METTL8: variants seen among roughly 807,000 people sequenced by gnomAD.
METTL8 encodes the protein tRNA N(3)-cytidine methyltransferase METTL8, mitochondrial.
METTL8 carries 32 observed loss-of-function variants against 48.7 expected under a neutral mutation model. The observed-to-expected ratio is 0.66, with a 90% CI of 0.50 to 0.88. The LOEUF is 0.88. METTL8 is among the 40% of genes least tolerant of loss of function. METTL8 has a pLI of 0.00. For synonymous variants in METTL8, 136 were observed against 157.1 expected, an observed-to-expected ratio of 0.87 and a Z score of 1.01; for missense variants, 464 against 474.4, an observed-to-expected ratio of 0.98 and a Z score of 0.20.
At chr2:171,378,096 C>T (rs961006632) in intron 2 of METTL8, among the ~76,000 whole-genome samples, 1 of 152,068 alleles carries the variant, frequency 6.6e-6, no homozygotes. Flanking sequence ...CAATATTAAC[C>T]TTAAATGTAA....
intron 5 of METTL8, among the ~76,000 whole-genome samples, chr2:171,334,098 AAAC>A (rs1041359795): frequency 2.0e-5 from 3 of 152,132 alleles, no homozygotes; most frequent in Admixed American, 2.0e-4. Context: ...AAACAAAACA[AAAC>A]AAAACAAAAA....
intron 1 of METTL8, among the ~76,000 whole-genome samples, chr2:171,398,152 A>G (rs867571181): frequency 2.6e-5 from 4 of 152,226 alleles, no homozygotes; most frequent in Admixed American, 1.3e-4. Context: ...GTATATACCC[A>G]AAAGAAGTGA....
chr2:171,370,519 C>T (rs1219762055), intron 2 of METTL8, among the ~76,000 whole-genome samples: 4 of 152,024 alleles, frequency 2.6e-5, no homozygotes, highest in Admixed American at 6.5e-5. Flanking sequence ...GGGCTGGGCA[C>T]GGTGGCTCAT....
intron 2 of METTL8, among the ~76,000 whole-genome samples, chr2:171,389,535 A>C (rs1434539400): frequency 1.3e-5 from 2 of 150,034 alleles, no homozygotes; most frequent in African/African-American, 2.4e-5. Context: ...AAAAAAAAAA[A>C]AAAAAAAATG....
intron 1 of METTL8, among the ~76,000 whole-genome samples, chr2:171,429,177 T>C (rs1692723398): frequency 6.6e-6 from 1 of 152,242 alleles, no homozygotes; most frequent in Admixed American, 6.5e-5. Context: ...GAATGAGCAC[T>C]TTTTAATTGA....
intron 2 of METTL8, among the ~76,000 whole-genome samples, chr2:171,390,142 C>T (rs1431578393): frequency 6.6e-6 from 1 of 152,174 alleles, no homozygotes; most frequent in Non-Finnish European, 1.5e-5. Flanking sequence ...AATGAAACAA[C>T]AAAGCCTGGA....
chr2:171,417,430 G>A (rs1691425181), intron 1 of METTL8, among the ~76,000 whole-genome samples: 1 of 152,138 alleles, frequency 6.6e-6, no homozygotes, highest in Non-Finnish European at 1.5e-5. Flanking sequence ...AATTATATAA[G>A]GTTTGCTTTG....
intron 3 of METTL8, among the ~76,000 whole-genome samples, chr2:171,343,251 C>T (rs1686956282): frequency 6.6e-6 from 1 of 152,108 alleles, no homozygotes; most frequent in Admixed American, 6.5e-5. Flanking sequence ...ACCGGCCTGA[C>T]CAACATGGAG....
intron 2 of METTL8, among the ~76,000 whole-genome samples, chr2:171,379,978 G>A (rs975478681): frequency 2.0e-5 from 3 of 152,120 alleles, no homozygotes; most frequent in Non-Finnish European, 4.4e-5. Context: ...TATCCCTGAT[G>A]AACATTGATG....
intron 1 of METTL8, among the ~76,000 whole-genome samples, chr2:171,425,764 G>A (rs979663135): frequency 6.6e-6 from 1 of 152,234 alleles, no homozygotes; most frequent in Non-Finnish European, 1.5e-5. Context: ...TACTAAAACT[G>A]TGGTAATTTG....
At chr2:171,333,976 A>G (rs1685817389) in intron 5 of METTL8, among the ~76,000 whole-genome samples, 1 of 152,230 alleles carries the variant, frequency 6.6e-6, no homozygotes, top group Non-Finnish European at 1.5e-5. Flanking sequence ...AATGTTAGTC[A>G]TTATTATAAT....
At chr2:171,363,682 T>C (rs185990556) in intron 2 of METTL8, among the ~76,000 whole-genome samples, 2 of 150,678 alleles carry the variant, frequency 1.3e-5, no homozygotes, top group African/African-American at 4.9e-5. Flanking sequence ...GAAAAAATTA[T>C]AGTAAATCAA....
chr2:171,325,921 GAA>G lies in METTL8; in HGVS notation c.968-17_968-16del, dbSNP rs1684902879. The G allele has an allele frequency of 3.8e-6, 6 of 1,560,754 alleles. No homozygotes were observed. The African/African-American group carries it at 6.8e-5, about 18-fold the overall frequency. On this transcript the variant is annotated splice_polypyrimidine_tract_variant and intron_variant, in intron 8 of 9. Transcript: ENST00000375258. ...TAAACAATGTCCTGAAAAAAATTGT[GAA>G]AAGAGAAACTCTTAAGGGTATTCCT...
intron 1 of METTL8, among the ~76,000 whole-genome samples, chr2:171,419,957 C>T (rs1691710882): frequency 6.6e-6 from 1 of 151,936 alleles, no homozygotes; most frequent in Admixed American, 6.6e-5. Context: ...ATCATTGCTT[C>T]TCATCCTTTC....
intron 1 of METTL8, among the ~76,000 whole-genome samples, chr2:171,424,975 T>C (rs1186724667): frequency 1.3e-5 from 2 of 152,156 alleles, no homozygotes; most frequent in East Asian, 3.8e-4. Context: ...AACTGAATCA[T>C]GGGGGTGGTT....
rs1457025835 is a variant in METTL8 at position 171,317,941 on chromosome 2, T to C, written c.*6231A>G. 1 of 152,226 alleles carries C rather than the reference T, an allele frequency of 6.6e-6. No homozygotes were observed. Among genetic ancestry groups the C allele is most frequent in the African/African-American group, 2.4e-5 (1 of 41,464 alleles). The allele number at this position is 152,226 out of a possible 1,614,324, so 9.4% of individuals were successfully genotyped here. On this transcript the variant is annotated 3_prime_UTR_variant, in exon 10 of 10. Transcript: ENST00000375258. ...GTCCCTTCTGCAGGTGCACTTGCTT[T>C]TTCAATCTGATGCTATTTTTCTTAC...
intron 3 of METTL8, among the ~76,000 whole-genome samples, chr2:171,350,677 T>C (rs1230993292): frequency 6.6e-6 from 1 of 152,242 alleles, no homozygotes; most frequent in Non-Finnish European, 1.5e-5. Context: ...AGATGGTATC[T>C]CATTGTGGTT....
At chr2:171,391,490 C>A (rs1053366393) in intron 2 of METTL8, among the ~76,000 whole-genome samples, 2 of 152,180 alleles carry the variant, frequency 1.3e-5, no homozygotes, top group Non-Finnish European at 2.9e-5. Context: ...CTGAGTTGTT[C>A]TCATATGGCA....
intron 1 of METTL8, among the ~76,000 whole-genome samples, chr2:171,398,498 TG>T (rs1458691692): frequency 6.6e-6 from 1 of 151,516 alleles, no homozygotes; most frequent in Non-Finnish European, 1.5e-5. Context: ...TGGCAGAGGT[TG>T]GGGAAGGGGG....
Sources: allele counts gnomAD v4.1 joint callset (sites outside exome capture counted in the v4.1 genomes callset), GRCh38; gene constraint gnomAD v4.1.1; transcripts MANE v1.5; gene names NCBI Gene and HGNC (gene_info 2026-07-23, HGNC 2026-07-21).